CALD1: variants seen among roughly 807,000 people sequenced by gnomAD.
CALD1 encodes the protein caldesmon.
In CALD1, 33 loss-of-function variants were observed where a neutral mutation model predicts 99.9. That is an observed-to-expected ratio of 0.33 (90% CI 0.25 to 0.44). The LOEUF (loss-of-function observed/expected upper bound fraction) is 0.44. Ranked by LOEUF, CALD1 falls within the 20% of genes least tolerant of loss-of-function variation. The pLI, the probability that CALD1 is intolerant of heterozygous loss-of-function variation, is 1.00. For missense variants in CALD1, 861 were observed against 962.1 expected (o/e 0.89, Z 1.39); for synonymous variants, 310 against 325.0 (o/e 0.95, Z 0.50).
Position 134,904,174 on chromosome 7 carries a change from G to A in CALD1, c.72-24580G>A, listed in dbSNP as rs955765346. Among the ~76,000 whole-genome samples the A allele has an allele frequency of 1.6e-4, 24 of 152,056 alleles. 1 individual carries two copies. The highest frequency in any genetic ancestry group is 4.1e-4 in the African/African-American group (17 of 41,328). ...GGAGGCAGAGGTTGCAGTGAGCCAA[G>A]ATCATGTCATCGCACTCCAGCCTGG... is the stretch of plus-strand genomic sequence containing the variant. On this transcript the variant is annotated intron_variant, in intron 3 of 14. Transcript: ENST00000361675.
chr7:134,953,403 G>T (rs1218903026), intron 9 of CALD1, among the ~76,000 whole-genome samples: 1 of 152,082 alleles, frequency 6.6e-6, no homozygotes, highest in Non-Finnish European at 1.5e-5. Flanking sequence ...TTGAACCTGG[G>T]AGGCAGAGGT....
At chr7:134,753,599 G>A (rs1007384340) in intron 1 of CALD1, among the ~76,000 whole-genome samples, 1 of 152,168 alleles carries the variant, frequency 6.6e-6, no homozygotes, top group Non-Finnish European at 1.5e-5. Flanking sequence ...CACTGGTCTA[G>A]GCCAACTGCC....
At chr7:134,807,479 C>A (rs1486829285) in intron 1 of CALD1, among the ~76,000 whole-genome samples, 1 of 152,174 alleles carries the variant, frequency 6.6e-6, no homozygotes, top group Admixed American at 6.5e-5. Flanking sequence ...TACCCTCACC[C>A]CACTCCCCCA....
chr7:134,888,246 T>C (rs761756289), intron 3 of CALD1, among the ~76,000 whole-genome samples: 1 of 152,174 alleles, frequency 6.6e-6, no homozygotes, highest in Non-Finnish European at 1.5e-5. Flanking sequence ...CTTTCATTTT[T>C]CCTAGTAAGA....
At chr7:134,918,287 T>C (rs1352047213) in intron 3 of CALD1, among the ~76,000 whole-genome samples, 3 of 152,186 alleles carry the variant, frequency 2.0e-5, no homozygotes, top group Non-Finnish European at 2.9e-5. Context: ...ATGGCACCAA[T>C]TGAAAAAGAA....
chr7:134,740,454 G>A (rs914756431), upstream of CALD1, among the ~76,000 whole-genome samples: 37 of 152,198 alleles, frequency 2.4e-4, no homozygotes, highest in African/African-American at 8.7e-4. Context: ...GATACAGGAT[G>A]GAGAACATGC....
At chr7:134,880,771 G>A (rs1165341433) in intron 3 of CALD1, among the ~76,000 whole-genome samples, 1 of 152,164 alleles carries the variant, frequency 6.6e-6, no homozygotes, top group Non-Finnish European at 1.5e-5. Flanking sequence ...TGTCTTTCCT[G>A]CTACTACCTT....
intron 1 of CALD1, among the ~76,000 whole-genome samples, chr7:134,810,405 T>A (rs1175442442): frequency 6.6e-6 from 1 of 152,220 alleles, no homozygotes; most frequent in Admixed American, 6.5e-5. Flanking sequence ...TTTAGTTATA[T>A]CATAATTCAT....
intron 8 of CALD1, among the ~76,000 whole-genome samples, chr7:134,950,094 C>T (rs1042228379): frequency 4.6e-5 from 7 of 152,198 alleles, no homozygotes; most frequent in African/African-American, 1.7e-4. Flanking sequence ...AAAATGAGTA[C>T]TATTGTTATC....
intron 3 of CALD1, among the ~76,000 whole-genome samples, chr7:134,916,892 G>T (rs958989248): frequency 6.6e-6 from 1 of 152,180 alleles, no homozygotes; most frequent in Non-Finnish European, 1.5e-5. Flanking sequence ...TTATCTAAAA[G>T]GAGTTCATAT....
the CALD1 span, among the ~76,000 whole-genome samples, chr7:134,712,293 CAATATCTTCTTTTTAA>C: frequency 2.0e-5 from 3 of 152,188 alleles, no homozygotes; most frequent in Non-Finnish European, 2.9e-5. Context: ...GTCCAGCCAA[CAATATCTTCTTTTTAA>C]AATATTTAGT....
chr7:134,746,842 T>C (rs1449759904), intron 1 of CALD1, among the ~76,000 whole-genome samples: 1 of 152,244 alleles, frequency 6.6e-6, no homozygotes, highest in Non-Finnish European at 1.5e-5. Flanking sequence ...GTTCTTGTCC[T>C]AGTGTTTTGT....
chr7:134,801,238 C>T (rs1304243517), intron 1 of CALD1, among the ~76,000 whole-genome samples: 1 of 152,054 alleles, frequency 6.6e-6, no homozygotes, highest in Non-Finnish European at 1.5e-5. Context: ...AAAGTATAAA[C>T]TTTATTTTCC....
chr7:134,934,280 GGA>G (rs1352370975), intron 5 of CALD1, among the ~76,000 whole-genome samples: 30 of 151,940 alleles, frequency 2.0e-4, no homozygotes, highest in Non-Finnish European at 5.9e-5. Flanking sequence ...AAATTTACTG[GGA>G]CAGCCAGTAA....
At chr7:134,928,606 A>T (rs1168422398) in intron 3 of CALD1, 148 bp from the exon 4 acceptor site, 1 of 606,700 alleles carries the variant, frequency 1.6e-6, no homozygotes, top group Non-Finnish European at 2.7e-6. Context: ...TAGGTCGCTA[A>T]ACTTAAGGAA....
intron 3 of CALD1, among the ~76,000 whole-genome samples, chr7:134,873,201 A>C (rs1342224863): frequency 8.5e-6 from 1 of 117,306 alleles, no homozygotes; most frequent in Non-Finnish European, 1.8e-5. Flanking sequence ...CAAACAAACA[A>C]AACAAAAAAA....
intron 2 of CALD1, among the ~76,000 whole-genome samples, chr7:134,859,554 A>C (rs10241327): frequency 1 from 152,301 of 152,334 alleles, 76,134 homozygotes; most frequent in Middle Eastern, 1. Flanking sequence ...TTCTTCTAAG[A>C]AACTTTCAAG....
At chr7:134,938,993 C>T (rs1044737923) in intron 6 of CALD1, among the ~76,000 whole-genome samples, 3 of 152,266 alleles carry the variant, frequency 2.0e-5, no homozygotes, top group South Asian at 2.1e-4. Flanking sequence ...CTCCACAGAC[C>T]GTGAGCTCCT....
intron 1 of CALD1, among the ~76,000 whole-genome samples, chr7:134,746,721 G>A (rs758488689): frequency 1.4e-4 from 22 of 152,178 alleles, no homozygotes; most frequent in Admixed American, 6.5e-4. Context: ...AAATATGAAC[G>A]GTAAAGGCTA....
Sources: gnomAD v4.1 joint callset for allele counts (sites outside exome capture counted in the v4.1 genomes callset) on GRCh38, gnomAD v4.1.1 for gene constraint, MANE v1.5 for transcripts, NCBI Gene and HGNC (gene_info 2026-07-23, HGNC 2026-07-21) for gene names.